The following BASP1 variants were observed in gnomAD, a reference collection of about 807,000 sequenced individuals.
BASP1 encodes brain abundant membrane attached signal protein 1.
Under a neutral mutation model 2.2 loss-of-function variants are expected in BASP1, and 1 was observed. That is an observed-to-expected ratio of 0.46 (90% CI 0.16 to 2.17). BASP1 has a LOEUF of 2.17. BASP1 is among the 30% of genes most tolerant of loss of function. BASP1 has a pLI of 0.27. For synonymous variants in BASP1, 187 were observed against 154.2 expected, an observed-to-expected ratio of 1.21 and a Z score of -1.58; for missense variants, 352 against 327.2, an observed-to-expected ratio of 1.08 and a Z score of -0.58.
At chr5:17,230,906 T>C (rs1016861905) in intron 1 of BASP1, among the ~76,000 whole-genome samples, 2 of 152,148 alleles carry the variant, frequency 1.3e-5, no homozygotes, top group African/African-American at 2.4e-5. Flanking sequence ...AGGCGTACCC[T>C]GTCAAGTAAT....
rs146042508 is a variant in BASP1 at position 17,252,676 on chromosome 5, T to C, written c.-9-22532T>C. On this transcript the variant is annotated intron_variant, in intron 1 of 1. Coordinates refer to ENST00000322611, the MANE Select transcript of BASP1 (RefSeq NM_006317.5). ...AATTAGAGTTAAGAAACAAAAAGAC[T>C]ATCTTGTTTCCCAATCTTAAAAAGT... 2.2e-3 allele frequency among the ~76,000 whole-genome samples: 329 copies of C among 152,370 alleles called. 1 individual carries two copies. Among genetic ancestry groups the C allele is most frequent in the African/African-American group, 7.6e-3 (318 of 41,594 alleles).
At chr5:17,262,850 C>CT (rs562064794) in intron 1 of BASP1, among the ~76,000 whole-genome samples, 2,130 of 132,884 alleles carry the variant, frequency 0.016, 41 homozygotes, top group African/African-American at 0.061. Context: ...ATCAAATCTT[C>CT]TTTTTTTTTT....
Position 17,275,951 on chromosome 5 carries a change from C to G in BASP1, c.*51C>G. On this transcript the variant is annotated 3_prime_UTR_variant, in exon 2 of 2. Transcript: ENST00000322611. This position sits in a 1 kb window ranked among gnomAD's most constrained non-coding sequence, Gnocchi z 5.3. ...TACCACTTAAAACAATCTCCTCTCT[C>G]TCTCTCTCTCTCTCTCTCTATCTCT... The G allele has an allele frequency of 7.7e-7, 1 of 1,302,310 alleles. No individual in the cohort carries two copies. The highest frequency in any genetic ancestry group is 1.0e-6 in the Non-Finnish European group (1 of 990,834). 80.7% of individuals were successfully genotyped at this position (1,302,310 alleles called of 1,614,324 possible). A position where few individuals can be genotyped will look rare whatever the true frequency, so the allele number is the denominator to read the frequency against.
rs139380643 is a variant in BASP1, at chr5:17,275,887, C to A, written c.671C>A (p.Thr224Asn). The A allele has an allele frequency of 4.7e-4, 750 of 1,591,126 alleles. 6 individuals carry two copies. Among genetic ancestry groups the A allele is most frequent in the Admixed American group, 4.0e-4 (22 of 54,798 alleles). ...APAANSDQTV[T>N]VKE is the part of the protein sequence containing the mutation. ...GCAGCTAATTCCGACCAAACCGTAA[C>A]CGTGAAAGAGTGACAAGGACAGCCT... The change falls in exon 2 of 2, where the codon ACC (threonine) becomes AAC (asparagine). Residue 224 changes from threonine (T) to asparagine (N), a missense_variant. Coordinates refer to ENST00000322611, the MANE Select transcript of BASP1 (RefSeq NM_006317.5). The surrounding 1 kb of genome is among the most constrained non-coding windows in gnomAD (Gnocchi z 5.3).
chr5:17,251,457 G>T lies in BASP1; in HGVS notation c.-9-23751G>T, dbSNP rs548099339. Among the ~76,000 whole-genome samples the T allele has an allele frequency of 2.6e-4, 40 of 152,248 alleles. No homozygotes were observed. In the South Asian group the frequency reaches 8.1e-3, roughly 31 times the overall value. ...AAAACCATTAAATATATGTTAAAAA[G>T]ATTTCAGACTCATCTCTCAGCTCTT... On this transcript the variant is annotated intron_variant, in intron 1 of 1. Coordinates refer to ENST00000322611, the MANE Select transcript of BASP1 (RefSeq NM_006317.5). The surrounding 1 kb of genome is among the most constrained non-coding windows in gnomAD (Gnocchi z 4.0).
chr5:17,274,712 G>C (rs1740592555), intron 1 of BASP1, among the ~76,000 whole-genome samples: 1 of 152,214 alleles, frequency 6.6e-6, no homozygotes, highest in Non-Finnish European at 1.5e-5. Context: ...GCTATGATTA[G>C]AAGCTCCACA....
Position 17,275,910 on chromosome 5 carries a change from C to T in BASP1, c.*10C>T, listed in dbSNP as rs1740645561. On this transcript the variant is annotated 3_prime_UTR_variant, in exon 2 of 2. Transcript: ENST00000322611. This position sits in a 1 kb window ranked among gnomAD's most constrained non-coding sequence, Gnocchi z 5.3. Reference sequence around the variant, plus strand: ...AACCGTGAAAGAGTGACAAGGACAGCCTATAGGAAAAACAATACCACTTAA... The same window carrying T: ...AACCGTGAAAGAGTGACAAGGACAGTCTATAGGAAAAACAATACCACTTAA... The T allele has an allele frequency of 1.3e-6, 2 of 1,554,672 alleles. No homozygotes were observed. Among genetic ancestry groups the T allele is most frequent in the Non-Finnish European group, 8.7e-7 (1 of 1,152,958 alleles).
chr5:17,244,726 T>C (rs1310718362), intron 1 of BASP1, among the ~76,000 whole-genome samples: 1 of 149,882 alleles, frequency 6.7e-6, no homozygotes, highest in East Asian at 2.0e-4. Context: ...GGAGTCTCGC[T>C]CTGTTGCCAG....
chr5:17,240,469 G>C (rs1053982015), intron 1 of BASP1: 1 of 152,244 alleles, frequency 6.6e-6, no homozygotes, highest in Admixed American at 6.5e-5. Context: ...CTGGGAGGCA[G>C]AGGTTGAAGT....
At position 17,276,049 on chromosome 5, in the gene BASP1, T is replaced by G. The variant is rs2126525005; in HGVS notation, c.*149T>G. 3 of 637,108 alleles carry G rather than the reference T, an allele frequency of 4.7e-6. No homozygotes were observed. The highest frequency in any genetic ancestry group is 5.0e-4 in the Middle Eastern group (1 of 2,020). The allele number at this position is 637,108 out of a possible 1,614,324, so 39.5% of individuals were successfully genotyped here. ...TCTCCTATACTAACTTGTTTCAAAT[T>G]GGAAGTAATGATATGTATTGCCCAA... On this transcript the variant is annotated 3_prime_UTR_variant, in exon 2 of 2. Coordinates refer to ENST00000322611, the MANE Select transcript of BASP1 (RefSeq NM_006317.5).
Position 17,275,627 on chromosome 5 carries a change from C to T in BASP1, c.411C>T (p.Ala137=), listed in dbSNP as rs537153552. 2.0e-4 allele frequency: 297 copies of T among 1,488,308 alleles called. No individual in the cohort carries two copies. The African/African-American group carries it at 4.0e-3, about 20-fold the overall frequency. 92.2% of individuals were successfully genotyped at this position (1,488,308 alleles called of 1,614,324 possible). ...AAPAESAAPA[A]GEEPSKEEGE... is the part of the protein sequence containing the mutation. The stretch of plus-strand genomic sequence containing the variant: ...CGGCCGAGAGCGCGGCCCCTGCCGC[C>T]GGGGAGGAGCCCAGCAAGGAGGAAG... Residue 137 remains alanine (A), a synonymous_variant, in exon 2 of 2, where the codon GCC becomes GCT. Coordinates refer to ENST00000322611, the MANE Select transcript of BASP1 (RefSeq NM_006317.5). This position sits in a 1 kb window ranked among gnomAD's most constrained non-coding sequence, Gnocchi z 5.3.
At chr5:17,244,596 C>T (rs911004946) in intron 1 of BASP1, among the ~76,000 whole-genome samples, 1 of 151,936 alleles carries the variant, frequency 6.6e-6, no homozygotes, top group African/African-American at 2.4e-5. Context: ...CATCGTCAGA[C>T]TTAAGAGTTC....
chr5:17,275,781 G>GC lies in BASP1; in HGVS notation c.567dup (p.Thr190HisfsTer5). The stretch of plus-strand genomic sequence containing the variant: ...CCCCTCTTCCAAGGAGACCCCCGCA[G>GC]CCACGGAAGCGCCTAGTTCCACACC... On this transcript the variant is annotated frameshift_variant, in exon 2 of 2. Coordinates refer to ENST00000322611, the MANE Select transcript of BASP1 (RefSeq NM_006317.5). LOFTEE classifies it high-confidence loss of function. This position sits in a 1 kb window ranked among gnomAD's most constrained non-coding sequence, Gnocchi z 5.3. 1 of 1,613,256 alleles carries GC rather than the reference G, an allele frequency of 6.2e-7. No individual in the cohort carries two copies. The highest frequency in any genetic ancestry group is 8.5e-7 in the Non-Finnish European group (1 of 1,179,808).
At chr5:17,247,023 C>CA (rs1740004489) in intron 1 of BASP1, among the ~76,000 whole-genome samples, 1 of 151,836 alleles carries the variant, frequency 6.6e-6, no homozygotes, top group Admixed American at 6.6e-5. Context: ...CCTGTGTCTA[C>CA]AAAAAATACA....
chr5:17,243,430 A>G (rs1739912598), intron 1 of BASP1, among the ~76,000 whole-genome samples: 1 of 152,182 alleles, frequency 6.6e-6, no homozygotes, highest in South Asian at 2.1e-4. Flanking sequence ...CTGGGGTTAC[A>G]GGCATGAGCC....
rs143783026 is a variant in BASP1 at position 17,264,599 on chromosome 5, A to G, written c.-9-10609A>G. Among the ~76,000 whole-genome samples, 1,094 of 152,306 alleles carry G rather than the reference A, an allele frequency of 7.2e-3. 9 individuals are homozygous for G. The highest frequency in any genetic ancestry group is 0.011 in the Non-Finnish European group (774 of 68,030). On this transcript the variant is annotated intron_variant, in intron 1 of 1. Transcript: ENST00000322611. ...ATTCCCTGCATCTTTGTAAGCAGAT[A>G]TATTTTTTTCTGATTATAAGATGGA...
At chr5:17,252,346 T>C (rs1740119577) in intron 1 of BASP1, among the ~76,000 whole-genome samples, 1 of 152,248 alleles carries the variant, frequency 6.6e-6, no homozygotes, top group Non-Finnish European at 1.5e-5. Flanking sequence ...AGGGAGCATT[T>C]AAGTCTTTAT....
chr5:17,218,816 G>A (rs1253727813), intron 1 of BASP1, among the ~76,000 whole-genome samples: 1 of 146,726 alleles, frequency 6.8e-6, no homozygotes, highest in Non-Finnish European at 1.5e-5. Flanking sequence ...CACAATGCGC[G>A]GCTGCAAACC....
intron 1 of BASP1, among the ~76,000 whole-genome samples, chr5:17,246,051 T>C (rs1739980483): frequency 6.6e-6 from 1 of 152,214 alleles, no homozygotes; most frequent in East Asian, 1.9e-4. Context: ...CTATAATTAT[T>C]GGAGAAGGTT....
Sources: gnomAD v4.1 joint callset for allele counts (sites outside exome capture counted in the v4.1 genomes callset) on GRCh38, gnomAD v4.1.1 for gene constraint, Gnocchi (gnomAD v3.1) non-coding constraint, MANE v1.5 for transcripts, NCBI Gene and HGNC (gene_info 2026-07-23, HGNC 2026-07-21) for gene names.